Variants in CCDC7 observed in about 807,000 individuals in gnomAD.
CCDC7 encodes the protein coiled-coil domain-containing protein 7.
CCDC7 carries 183 observed loss-of-function variants against 196.9 expected under a neutral mutation model. The ratio of observed to expected loss-of-function variants is 0.93; its 90% confidence interval spans 0.82 to 1.05. The LOEUF (loss-of-function observed/expected upper bound fraction) is 1.05, where lower values mean the gene tolerates loss of function less well. Ranked by LOEUF, CCDC7 falls within the 50% of genes least tolerant of loss-of-function variation. The probability of loss-of-function intolerance (pLI) is 0.00; values close to 1 mark genes in which losing one functional copy is unlikely to be tolerated. For synonymous variants in CCDC7, 525 were observed against 484.6 expected, an observed-to-expected ratio of 1.08 and a Z score of -1.10; for missense variants, 1,540 against 1,482.2, an observed-to-expected ratio of 1.04 and a Z score of -0.64.
chr10:32,639,627 C>T (rs2066338524), intron 20 of CCDC7, among the ~76,000 whole-genome samples: 1 of 137,150 alleles, frequency 7.3e-6, no homozygotes. Flanking sequence ...AATTTCTGTT[C>T]TGTTTTTTTT....
intron 28 of CCDC7, among the ~76,000 whole-genome samples, chr10:32,756,679 A>C (rs2076510592): frequency 6.6e-6 from 1 of 152,240 alleles, no homozygotes; most frequent in Non-Finnish European, 1.5e-5. Flanking sequence ...CGATGCTAGG[A>C]GGAAATTGCA....
intron 20 of CCDC7, among the ~76,000 whole-genome samples, chr10:32,656,043 A>G (rs1654141516): frequency 6.7e-6 from 1 of 148,368 alleles, no homozygotes; most frequent in African/African-American, 2.5e-5. Context: ...TCTGTGCAGG[A>G]ACTGTTTAGT....
At chr10:32,511,822 C>CG in intron 9 of CCDC7, 2 of 907,822 alleles carry the variant, frequency 2.2e-6, no homozygotes, top group Non-Finnish European at 3.5e-6. Context: ...CCAGCTCTGC[C>CG]CGCGCCACCA....
chr10:32,820,422 A>G (rs1224142442), intron 31 of CCDC7, among the ~76,000 whole-genome samples: 6 of 152,236 alleles, frequency 3.9e-5, no homozygotes, highest in Non-Finnish European at 7.3e-5. Flanking sequence ...TGCCATCCCC[A>G]TTAAGCTACC....
At chr10:32,452,951 C>T (rs2033457946) in intron 1 of CCDC7, among the ~76,000 whole-genome samples, 1 of 152,164 alleles carries the variant, frequency 6.6e-6, no homozygotes, top group Admixed American at 6.5e-5. Context: ...AGATAATTTT[C>T]TTTAAAAATT....
chr10:32,806,104 C>T (rs2085786297), intron 30 of CCDC7, among the ~76,000 whole-genome samples: 1 of 152,172 alleles, frequency 6.6e-6, no homozygotes, highest in Non-Finnish European at 1.5e-5. Flanking sequence ...ACAAACACGT[C>T]CCACCTCCAA....
intron 24 of CCDC7, among the ~76,000 whole-genome samples, 166 bp from the exon 26 acceptor site, chr10:32,711,454 G>T (rs1451697538): frequency 6.6e-6 from 1 of 152,044 alleles, no homozygotes; most frequent in East Asian, 1.9e-4. Flanking sequence ...AACATACATT[G>T]AAACTTTTCT....
At chr10:32,459,991 A>G (rs955115963) in intron 3 of CCDC7, among the ~76,000 whole-genome samples, 1 of 152,148 alleles carries the variant, frequency 6.6e-6, no homozygotes, top group African/African-American at 2.4e-5. Context: ...CTTTGGGACA[A>G]CTGGTTATTT....
chr10:32,595,979 G>C (rs193291912), intron 18 of CCDC7, among the ~76,000 whole-genome samples: 3 of 152,222 alleles, frequency 2.0e-5, no homozygotes, highest in African/African-American at 7.2e-5. Context: ...GGTCAATTTT[G>C]GAATACGTGT....
At chr10:32,577,929 T>C (rs1233048757) in intron 16 of CCDC7, among the ~76,000 whole-genome samples, 2 of 152,222 alleles carry the variant, frequency 1.3e-5, no homozygotes, top group African/African-American at 4.8e-5. Context: ...GTCACTGGCA[T>C]GTGCCACTCA....
intron 28 of CCDC7, among the ~76,000 whole-genome samples, chr10:32,764,052 C>T (rs1227343426): frequency 2.0e-5 from 3 of 151,828 alleles, no homozygotes; most frequent in African/African-American, 7.3e-5. Context: ...TATCAAAACA[C>T]CACTCATACC....
chr10:32,483,424 A>T (rs1172021174), intron 8 of CCDC7, among the ~76,000 whole-genome samples: 1 of 151,942 alleles, frequency 6.6e-6, no homozygotes, highest in Non-Finnish European at 1.5e-5. Context: ...GATTGCAGAA[A>T]TTTTCTCCCA....
intron 22 of CCDC7, 122 bp from the exon 24 acceptor site, chr10:32,688,931 A>G: frequency 3.0e-6 from 2 of 659,704 alleles, no homozygotes; most frequent in Non-Finnish European, 5.4e-6. Context: ...GCATTATGGT[A>G]ATTTATTCAT....
At chr10:32,445,830 T>A (rs1243206579), upstream of CCDC7, among the ~76,000 whole-genome samples, 1 of 152,188 alleles carries the variant, frequency 6.6e-6, no homozygotes, top group Non-Finnish European at 1.5e-5. Context: ...GGACTGGGGC[T>A]CTGGTTTTGT....
chr10:32,461,552 T>G (rs936136361), intron 3 of CCDC7, among the ~76,000 whole-genome samples: 2 of 151,784 alleles, frequency 1.3e-5, no homozygotes, highest in Admixed American at 1.3e-4. Context: ...ATCTTGATTT[T>G]CTAGACCGTT....
At chr10:32,787,643 C>G (rs748274380) in intron 29 of CCDC7, among the ~76,000 whole-genome samples, 8 of 152,154 alleles carry the variant, frequency 5.3e-5, no homozygotes, top group Non-Finnish European at 8.8e-5. Context: ...CAGCCAGGCC[C>G]CTACAGCCAC....
intron 16 of CCDC7, among the ~76,000 whole-genome samples, chr10:32,572,672 G>A (rs984692858): frequency 3.9e-5 from 6 of 151,976 alleles, no homozygotes; most frequent in African/African-American, 9.7e-5. Context: ...AAAATTAGAC[G>A]TTGGTCCACT....
chr10:32,709,157 T>A (rs925468045), intron 24 of CCDC7, among the ~76,000 whole-genome samples: 1 of 152,056 alleles, frequency 6.6e-6, no homozygotes, highest in African/African-American at 2.4e-5. Flanking sequence ...AAGGATGAGT[T>A]CATGTCCTTT....
intron 21 of CCDC7, 31 bp from the exon 23 acceptor site, chr10:32,685,939 T>G (rs760413362): frequency 9.5e-7 from 1 of 1,047,778 alleles, no homozygotes; most frequent in Non-Finnish European, 1.3e-6. Context: ...ATTTTTCTAT[T>G]TAGTGGAATA....
Sources: gnomAD v4.1 joint callset for allele counts (sites outside exome capture counted in the v4.1 genomes callset) on GRCh38, gnomAD v4.1.1 for gene constraint, MANE v1.5 for transcripts, NCBI Gene and HGNC (gene_info 2026-07-23, HGNC 2026-07-21) for gene names.